ATP13A4: variants seen among roughly 807,000 people sequenced by gnomAD.
ATP13A4 encodes the protein probable cation-transporting ATPase 13A4.
In ATP13A4, 114 loss-of-function variants were observed where a neutral mutation model predicts 142.5. The observed-to-expected ratio is 0.80, with a 90% CI of 0.69 to 0.93. The LOEUF (loss-of-function observed/expected upper bound fraction) is 0.93. Among genes scored for constraint, ATP13A4 ranks in the 40% least tolerant of loss-of-function variants. ATP13A4 has a pLI of 0.00. For synonymous variants in ATP13A4, 488 were observed against 514.8 expected (o/e 0.95, Z 0.70); for missense variants, 1,392 against 1,454.0 (o/e 0.96, Z 0.69).
Position 193,402,644 on chromosome 3 carries a change from C to T in ATP13A4, c.*8G>A. The T allele has an allele frequency of 1.2e-6, 1 of 852,562 alleles. No homozygotes were observed. Among genetic ancestry groups the T allele is most frequent in the Non-Finnish European group, 2.1e-6 (1 of 483,736 alleles). 52.8% of individuals were successfully genotyped at this position (852,562 alleles called of 1,614,324 possible). ...CTCTGTAATATCAACTTGGATATCA[C>T]ATGTCCTTCAGAGTTGTTCTTCATT... On this transcript the variant is annotated 3_prime_UTR_variant, in exon 30 of 30. Coordinates refer to ENST00000342695, the MANE Select transcript of ATP13A4 (RefSeq NM_032279.4).
chr3:193,427,056 G>A (rs1715705650), intron 25 of ATP13A4, among the ~76,000 whole-genome samples: 1 of 151,880 alleles, frequency 6.6e-6, no homozygotes, highest in Non-Finnish European at 1.5e-5. Context: ...ACATATAGGA[G>A]AAAATATTTG....
intron 1 of ATP13A4, among the ~76,000 whole-genome samples, chr3:193,534,339 C>T (rs1005577510): frequency 4.6e-5 from 7 of 152,100 alleles, no homozygotes; most frequent in African/African-American, 1.7e-4. Flanking sequence ...TAAAATTACT[C>T]ATATGTAAAT....
In ATP13A4 at chr3:193,493,116, G is replaced by C. The variant is rs377286528; in HGVS notation, c.426C>G (p.Tyr142Ter). The change falls in exon 4 of 30, where the codon TAC (tyrosine) becomes TAG (stop). Residue 142 changes from tyrosine to a stop codon, truncating the protein, a stop_gained. Coordinates refer to ENST00000342695, the MANE Select transcript of ATP13A4 (RefSeq NM_032279.4). LOFTEE classifies it high-confidence loss of function. The stretch of plus-strand genomic sequence containing the variant: ...CAATTTTCTGGAACTGTCCTTCTAA[G>C]TAGTTCCAAACATATCTTATTTTCT... Reference protein sequence around the residue: ...KVQKIRYVWNYLEGQFQKIGS... With the variant: ...KVQKIRYVWN 3 of 1,613,282 alleles carry C rather than the reference G, an allele frequency of 1.9e-6. No homozygotes were observed. Among genetic ancestry groups the C allele is most frequent in the Non-Finnish European group, 2.5e-6 (3 of 1,179,642 alleles).
intron 1 of ATP13A4, among the ~76,000 whole-genome samples, chr3:193,533,573 A>G (rs1722437260): frequency 6.6e-6 from 1 of 152,214 alleles, no homozygotes; most frequent in African/African-American, 2.4e-5. Flanking sequence ...AAAGAAAAAA[A>G]AAGAAACCAA....
At position 193,560,280 on chromosome 3, in the gene ATP13A4, T is replaced by C. The variant is rs117684212; in HGVS notation, n.291+21427A>G. Among the ~76,000 whole-genome samples the C allele has an allele frequency of 3.7e-3, 556 of 151,898 alleles. 2 individuals carry two copies. Among genetic ancestry groups the C allele is most frequent in the South Asian group, 0.016 (77 of 4,784 alleles). ...CTGGAGTGCAGAGGTGCAATCATGG[T>C]TCACTGCACCCTCAATCTCATAGGC... is the stretch of plus-strand genomic sequence containing the variant. On this transcript the variant is annotated intron_variant and non_coding_transcript_variant, in intron 2 of 3. Transcript: ENST00000489140.
At chr3:193,532,957 GA>G (rs1387780760) in intron 1 of ATP13A4, among the ~76,000 whole-genome samples, 14 of 151,856 alleles carry the variant, frequency 9.2e-5, no homozygotes, top group African/African-American at 1.9e-4. Flanking sequence ...CAATAATGTA[GA>G]AAAAAAGTGT....
intron 1 of ATP13A4, among the ~76,000 whole-genome samples, chr3:193,583,232 A>T (rs1724605129): frequency 1.3e-5 from 2 of 151,820 alleles, no homozygotes; most frequent in South Asian, 4.1e-4. Context: ...CAGGAGTTTG[A>T]GACCAGCCTG....
chr3:193,543,025 G>A (rs143572020), intron 1 of ATP13A4, among the ~76,000 whole-genome samples: 246 of 152,112 alleles, frequency 1.6e-3, no homozygotes, highest in Non-Finnish European at 2.7e-3. Flanking sequence ...AAAATTAGCC[G>A]GGTGTGGTGG....
At chr3:193,490,638 T>C (rs536092430) in intron 6 of ATP13A4, among the ~76,000 whole-genome samples, 11 of 152,316 alleles carry the variant, frequency 7.2e-5, no homozygotes, top group African/African-American at 2.4e-4. Flanking sequence ...AAAACAGGAA[T>C]GGCAAACCTT....
intron 27 of ATP13A4, 152 bp from the exon 28 acceptor site, chr3:193,411,222 G>T (rs1714752106): frequency 3.1e-6 from 2 of 647,032 alleles, no homozygotes; most frequent in African/African-American, 1.8e-5. Flanking sequence ...CTAAGCAATG[G>T]GTCTCACCTC....
At chr3:193,418,097 G>A (rs1715187696) in intron 25 of ATP13A4, among the ~76,000 whole-genome samples, 1 of 98,054 alleles carries the variant, frequency 1.0e-5, no homozygotes, top group Non-Finnish European at 1.8e-5. Flanking sequence ...ACTCCAGCCT[G>A]GGCGACAGAG....
At chr3:193,519,793 C>T (rs1721619289) in intron 1 of ATP13A4, among the ~76,000 whole-genome samples, 1 of 151,320 alleles carries the variant, frequency 6.6e-6, no homozygotes, top group African/African-American at 2.4e-5. Context: ...TACAGGCGCC[C>T]GTCACTGTGC....
chr3:193,476,940 T>A (rs1473415692), intron 8 of ATP13A4, among the ~76,000 whole-genome samples: 1 of 151,980 alleles, frequency 6.6e-6, no homozygotes, highest in African/African-American at 2.4e-5. Context: ...AACGAAAAAG[T>A]CTTAAGTATT....
At chr3:193,483,792 A>AG in intron 8 of ATP13A4, 144 bp downstream of exon 8, 1 of 688,642 alleles carries the variant, frequency 1.5e-6, no homozygotes, top group Non-Finnish European at 2.4e-6. Flanking sequence ...AAAAAAAAAA[A>AG]CTTAAGTTCC....
intron 3 of ATP13A4, among the ~76,000 whole-genome samples, chr3:193,495,484 C>G (rs1045709081): frequency 1.3e-5 from 2 of 152,026 alleles, no homozygotes; most frequent in Admixed American, 6.5e-5. Flanking sequence ...GACACACAAA[C>G]ACCATATGAT....
chr3:193,417,910 C>T (rs1426547739), intron 25 of ATP13A4, among the ~76,000 whole-genome samples: 2 of 147,202 alleles, frequency 1.4e-5, no homozygotes, highest in African/African-American at 5.0e-5. Flanking sequence ...ATCACAAGGT[C>T]AGGAGATCGA....
chr3:193,502,703 T>G (rs1720621940), intron 2 of ATP13A4, 64 bp from the exon 3 acceptor site: 1 of 1,458,574 alleles, frequency 6.9e-7, no homozygotes, highest in African/African-American at 1.4e-5. Context: ...CAATTCAACC[T>G]GAGAAACATC....
chr3:193,455,258 G>A (rs1417410126), intron 16 of ATP13A4, among the ~76,000 whole-genome samples: 4 of 150,304 alleles, frequency 2.7e-5, no homozygotes, highest in Non-Finnish European at 5.9e-5. Context: ...GGAGAATGGC[G>A]TGAACCCGGG....
chr3:193,434,595 G>T (rs1469783230), intron 24 of ATP13A4, among the ~76,000 whole-genome samples: 1 of 152,114 alleles, frequency 6.6e-6, no homozygotes, highest in Non-Finnish European at 1.5e-5. Flanking sequence ...ATTTATCAGT[G>T]AGTAGGAAAA....
Sources: gnomAD v4.1 joint callset for allele counts (sites outside exome capture counted in the v4.1 genomes callset) on GRCh38, gnomAD v4.1.1 for gene constraint, MANE v1.5 for transcripts, NCBI Gene and HGNC (gene_info 2026-07-23, HGNC 2026-07-21) for gene names.